DYNC1I1: variants seen among roughly 807,000 people sequenced by gnomAD.
The protein encoded by DYNC1I1 is cytoplasmic dynein 1 intermediate chain 1.
Under a neutral mutation model 86.6 loss-of-function variants are expected in DYNC1I1, and 43 were observed. That is an observed-to-expected ratio of 0.50 (90% confidence interval 0.39 to 0.64). DYNC1I1 has a LOEUF of 0.64. Ranked by LOEUF, DYNC1I1 falls within the 30% of genes least tolerant of loss-of-function variation. The pLI, the probability that DYNC1I1 is intolerant of heterozygous loss-of-function variation, is 0.00. For synonymous variants in DYNC1I1, 262 were observed against 283.7 expected (o/e 0.92, Z 0.77); for missense variants, 604 against 788.8 (o/e 0.77, Z 2.81).
intron 11 of DYNC1I1, among the ~76,000 whole-genome samples, chr7:96,030,012 TC>T (rs1031056641): frequency 3.6e-4 from 55 of 152,098 alleles, no homozygotes; most frequent in African/African-American, 1.2e-3. Context: ...TTGGTTTTTT[TC>T]AGGGGGATTT....
rs3138829 is a variant in DYNC1I1 at position 95,986,023 on chromosome 7, C to CGTGTGTGTGTGTGTGTGTGTGTGT, written c.744-1016_744-993dup. ...GTATTATCCTAGGCTCCTGGCAGGACGTGTGTGTGTGTGTGTGTGTGTGTG... is the reference window on the plus strand; with the variant it reads ...GTATTATCCTAGGCTCCTGGCAGGACGTGTGTGTGTGTGTGTGTGTGTGTGTGTGTGTGTGTGTGTGTGTGTGTG... On this transcript the variant is annotated intron_variant, in intron 8 of 16. Coordinates refer to ENST00000447467, the MANE Select transcript of DYNC1I1 (RefSeq NM_001135556.2). 1.2e-3 allele frequency among the ~76,000 whole-genome samples: 158 copies of CGTGTGTGTGTGTGTGTGTGTGTGT among 132,728 alleles called. 1 individual carries two copies. Among genetic ancestry groups the CGTGTGTGTGTGTGTGTGTGTGTGT allele is most frequent in the African/African-American group, 3.6e-3 (124 of 34,518 alleles). 87.1% of individuals were successfully genotyped at this position (132,728 alleles called of 152,430 possible).
chr7:96,042,091 C>CA (rs1161530799), intron 14 of DYNC1I1, among the ~76,000 whole-genome samples: 1 of 151,406 alleles, frequency 6.6e-6, no homozygotes, highest in African/African-American at 2.4e-5. Flanking sequence ...TTTAAACTAC[C>CA]AAAAAAAATC....
At chr7:95,990,276 A>G (rs1055732536) in intron 9 of DYNC1I1, among the ~76,000 whole-genome samples, 2 of 152,160 alleles carry the variant, frequency 1.3e-5, no homozygotes, top group Non-Finnish European at 2.9e-5. Flanking sequence ...TGTGTGCAGA[A>G]TCAGACTCAT....
intron 1 of DYNC1I1, among the ~76,000 whole-genome samples, chr7:95,793,415 G>A (rs1266347972): frequency 1.3e-5 from 2 of 152,060 alleles, no homozygotes; most frequent in Non-Finnish European, 2.9e-5. Context: ...CCCAAAGACA[G>A]CAGCATGAGG....
Position 96,031,129 on chromosome 7 carries a change from A to G in DYNC1I1, c.1117-1538A>G, listed in dbSNP as rs944278504. ...CAGGCATATTTTTTATCACATGAGAAGTGATAATTCAATGCTACCCAGGTT... is the reference window on the plus strand; with the variant it reads ...CAGGCATATTTTTTATCACATGAGAGGTGATAATTCAATGCTACCCAGGTT... On this transcript the variant is annotated intron_variant, in intron 11 of 16. Transcript: ENST00000447467. 3.9e-5 allele frequency among the ~76,000 whole-genome samples: 6 copies of G among 152,312 alleles called. No homozygotes were observed. In the East Asian group the frequency reaches 7.7e-4, roughly 20 times the overall value.
intron 5 of DYNC1I1, among the ~76,000 whole-genome samples, chr7:95,836,278 G>T (rs1789086575): frequency 6.6e-6 from 1 of 151,664 alleles, no homozygotes; most frequent in Non-Finnish European, 1.5e-5. Context: ...AATTCTTTAA[G>T]AATGTTGAAT....
At chr7:95,914,693 G>C (rs1274047170) in intron 6 of DYNC1I1, among the ~76,000 whole-genome samples, 1 of 152,194 alleles carries the variant, frequency 6.6e-6, no homozygotes, top group African/African-American at 2.4e-5. Flanking sequence ...CCACTGGTGT[G>C]CAATTTGAGA....
intron 5 of DYNC1I1, among the ~76,000 whole-genome samples, chr7:95,857,119 A>C (rs780832935): frequency 6.6e-6 from 1 of 152,178 alleles, no homozygotes; most frequent in Non-Finnish European, 1.5e-5. Context: ...TCATTCATAC[A>C]CTCCTTGGTG....
intron 6 of DYNC1I1, among the ~76,000 whole-genome samples, chr7:95,890,665 C>A (rs1461475907): frequency 2.0e-5 from 3 of 152,140 alleles, no homozygotes; most frequent in African/African-American, 7.2e-5. Flanking sequence ...TGGTTAATTT[C>A]AGAGGTTCTC....
intron 1 of DYNC1I1, among the ~76,000 whole-genome samples, chr7:95,802,343 C>T (rs1794598552): frequency 6.6e-6 from 1 of 152,126 alleles, no homozygotes; most frequent in Non-Finnish European, 1.5e-5. Flanking sequence ...CTTGGCTGTG[C>T]TCTCGCTAAT....
intron 6 of DYNC1I1, among the ~76,000 whole-genome samples, chr7:95,948,910 A>T (rs1792476511): frequency 6.6e-6 from 1 of 152,176 alleles, no homozygotes; most frequent in Non-Finnish European, 1.5e-5. Context: ...CTTTATCCAG[A>T]TACCCAGTGT....
intron 5 of DYNC1I1, among the ~76,000 whole-genome samples, chr7:95,857,198 C>T (rs1274041110): frequency 6.6e-6 from 1 of 152,120 alleles, no homozygotes; most frequent in Non-Finnish European, 1.5e-5. Context: ...AGAATTGCAC[C>T]TGTGTCTTCT....
chr7:95,941,631 G>T (rs1002768919), intron 6 of DYNC1I1, among the ~76,000 whole-genome samples: 1 of 152,220 alleles, frequency 6.6e-6, no homozygotes, highest in Admixed American at 6.5e-5. Context: ...ATCTCCTCGT[G>T]TGCTGTTTTT....
chr7:96,099,811 C>CAGGGCACTGTGGT (rs1791099991), downstream of DYNC1I1, among the ~76,000 whole-genome samples: 1 of 152,168 alleles, frequency 6.6e-6, no homozygotes, highest in Non-Finnish European at 1.5e-5. Flanking sequence ...ATTCAGTCCA[C>CAGGGCACTGTGGT]AGCCCAGGGC....
intron 4 of DYNC1I1, 64 bp downstream of exon 4, chr7:95,813,401 A>C: frequency 6.6e-7 from 1 of 1,504,946 alleles, no homozygotes; most frequent in Non-Finnish European, 9.0e-7. Flanking sequence ...AAACAGCAAC[A>C]ACACCACTGT....
intron 11 of DYNC1I1, among the ~76,000 whole-genome samples, chr7:96,029,856 T>A (rs1794765745): frequency 6.7e-6 from 1 of 150,206 alleles, no homozygotes; most frequent in African/African-American, 2.5e-5. Context: ...GGTAGGAGTG[T>A]GCCAAGATTT....
chr7:95,777,570 AATT>A (rs911923509), intron 1 of DYNC1I1, among the ~76,000 whole-genome samples: 7 of 152,276 alleles, frequency 4.6e-5, no homozygotes, highest in Admixed American at 2.0e-4. Flanking sequence ...CTTGCTTCCA[AATT>A]ATTATTTAAG....
chr7:95,898,515 C>T (rs959490688), intron 6 of DYNC1I1, among the ~76,000 whole-genome samples: 1 of 152,068 alleles, frequency 6.6e-6, no homozygotes, highest in African/African-American at 2.4e-5. Flanking sequence ...TGAAATATGC[C>T]CTAGTAGATA....
At position 95,983,396 on chromosome 7, in the gene DYNC1I1, A is replaced by G. The variant is rs190463090; in HGVS notation, c.581-1419A>G. On this transcript the variant is annotated intron_variant, in intron 7 of 16. Coordinates refer to ENST00000447467, the MANE Select transcript of DYNC1I1 (RefSeq NM_001135556.2). ...AATGGATGAATCACGTGTTGCCCTA[A>G]TATTACCTGGAGAGCATTTCTTAAG... Among the ~76,000 whole-genome samples, 262 of 152,264 alleles carry G rather than the reference A, an allele frequency of 1.7e-3. 1 individual carries two copies. The highest frequency in any genetic ancestry group is 5.7e-3 in the African/African-American group (237 of 41,566).
Sources: gnomAD v4.1 joint callset for allele counts (sites outside exome capture counted in the v4.1 genomes callset) on GRCh38, gnomAD v4.1.1 for gene constraint, MANE v1.5 for transcripts, NCBI Gene and HGNC (gene_info 2026-07-23, HGNC 2026-07-21) for gene names.